Variants in TENM3 observed in about 807,000 individuals in gnomAD.
The protein encoded by TENM3 is teneurin-3.
TENM3 carries 63 observed loss-of-function variants against 255.1 expected under a neutral mutation model. The observed-to-expected ratio is 0.25, with a 90% CI of 0.20 to 0.30. TENM3 has a LOEUF of 0.30. TENM3 is among the 10% of genes least tolerant of loss of function. The pLI is 1.00. For missense variants in TENM3, 2,929 were observed against 3,461.1 expected, an observed-to-expected ratio of 0.85 and a Z score of 3.86; for synonymous variants, 1,306 against 1,322.3, an observed-to-expected ratio of 0.99 and a Z score of 0.27.
At chr4:181,902,111 G>C in the TENM3 span, among the ~76,000 whole-genome samples, 1 of 36,224 alleles carries the variant, frequency 2.8e-5, no homozygotes, top group East Asian at 8.4e-4. Context: ...GTGTGCATGT[G>C]AGCATACACA....
At chr4:182,755,892 C>G (rs1334109199) in intron 22 of TENM3, among the ~76,000 whole-genome samples, 2 of 151,640 alleles carry the variant, frequency 1.3e-5, no homozygotes, top group Non-Finnish European at 2.9e-5. Flanking sequence ...TTGCAAGATA[C>G]AAGATGTAGG....
At chr4:181,725,610 T>C in the TENM3 span, among the ~76,000 whole-genome samples, 1 of 152,008 alleles carries the variant, frequency 6.6e-6, no homozygotes, top group Admixed American at 6.6e-5. Flanking sequence ...AGCTATTTTT[T>C]TGTATTTTTT....
At chr4:182,152,918 CT>C (rs1000321745) in intron 1 of TENM3, among the ~76,000 whole-genome samples, 11 of 151,548 alleles carry the variant, frequency 7.3e-5, no homozygotes, top group Non-Finnish European at 1.5e-4. Flanking sequence ...AGCGCAGTAC[CT>C]TTTAGTTAAA....
intron 3 of TENM3, among the ~76,000 whole-genome samples, chr4:182,515,766 T>C (rs1015362025): frequency 1.3e-5 from 2 of 152,198 alleles, no homozygotes; most frequent in South Asian, 4.1e-4. Flanking sequence ...AAATTACTAC[T>C]GTAAGTTATT....
chr4:182,679,651 T>C lies in TENM3; in HGVS notation c.1327-15T>C. ...CCTTTATCTTTCTGACTATTTTTCC[T>C]CGTCCTCCCCCCAGTATGACTTCGT... is the stretch of plus-strand genomic sequence containing the variant. On this transcript the variant is annotated splice_polypyrimidine_tract_variant and intron_variant, in intron 7 of 27. Coordinates refer to ENST00000511685, the MANE Select transcript of TENM3 (RefSeq NM_001080477.4). 6.3e-7 allele frequency: 1 copy of C among 1,598,472 alleles called. No individual in the cohort carries two copies. Among genetic ancestry groups the C allele is most frequent in the Non-Finnish European group, 8.5e-7 (1 of 1,171,020 alleles).
chr4:181,839,636 A>T, the TENM3 span, among the ~76,000 whole-genome samples: 3 of 150,946 alleles, frequency 2.0e-5, no homozygotes, highest in African/African-American at 4.9e-5. Flanking sequence ...TCAATACTTT[A>T]AAAAAATCGA....
At chr4:182,034,296 G>T in the TENM3 span, among the ~76,000 whole-genome samples, 1 of 152,138 alleles carries the variant, frequency 6.6e-6, no homozygotes, top group Non-Finnish European at 1.5e-5. Context: ...ATATCAATAG[G>T]TCTCTTGACT....
chr4:182,417,543 G>GA (rs1770479815), intron 3 of TENM3, among the ~76,000 whole-genome samples: 1 of 151,780 alleles, frequency 6.6e-6, no homozygotes, highest in Admixed American at 6.6e-5. Context: ...GATAATGATA[G>GA]AAAAAAATTC....
intron 1 of TENM3, among the ~76,000 whole-genome samples, chr4:182,201,567 G>A (rs145077764): frequency 7.7e-4 from 117 of 152,028 alleles, no homozygotes; most frequent in Non-Finnish European, 1.3e-3. Context: ...GGCAGGAGTT[G>A]CGAGCAGATG....
At chr4:181,616,254 G>A in the TENM3 span, among the ~76,000 whole-genome samples, 2 of 134,258 alleles carry the variant, frequency 1.5e-5, no homozygotes, top group African/African-American at 5.6e-5. Context: ...AAGGTGATGG[G>A]ACCTTCCCTG....
chr4:182,508,379 A>G (rs184719599), intron 3 of TENM3, among the ~76,000 whole-genome samples: 25 of 152,338 alleles, frequency 1.6e-4, no homozygotes, highest in Non-Finnish European at 1.9e-4. Context: ...TCATTTGGCA[A>G]TTGAGTACCA....
At chr4:182,608,043 C>T (rs781248382) in intron 4 of TENM3, among the ~76,000 whole-genome samples, 3 of 152,198 alleles carry the variant, frequency 2.0e-5, no homozygotes, top group African/African-American at 7.2e-5. Flanking sequence ...CTCTTCCTCT[C>T]GAGCAACTGT....
At chr4:182,718,136 G>T (rs893320432) in intron 13 of TENM3, among the ~76,000 whole-genome samples, 1 of 151,542 alleles carries the variant, frequency 6.6e-6, no homozygotes, top group Non-Finnish European at 1.5e-5. Flanking sequence ...AAAGACCCTG[G>T]TCTCACATGT....
the TENM3 span, among the ~76,000 whole-genome samples, chr4:181,530,546 T>C: frequency 6.6e-6 from 1 of 152,152 alleles, no homozygotes; most frequent in Non-Finnish European, 1.5e-5. Flanking sequence ...TGGCAGAACA[T>C]ACAAAGCATT....
At chr4:181,829,936 C>A in the TENM3 span, 1 of 152,354 alleles carries the variant, frequency 6.6e-6, no homozygotes, top group Admixed American at 6.5e-5. Flanking sequence ...ACCAGCAGTT[C>A]CTTCACCTTC....
intron 4 of TENM3, 37 bp from the exon 5 acceptor site, chr4:182,628,614 T>G: frequency 7.6e-7 from 1 of 1,323,466 alleles, no homozygotes; most frequent in South Asian, 1.3e-5. Flanking sequence ...TATCGTAACA[T>G]ATTTGTATCT....
At chr4:182,484,309 C>CTAGG (rs1348767060) in intron 3 of TENM3, among the ~76,000 whole-genome samples, 1 of 152,166 alleles carries the variant, frequency 6.6e-6, no homozygotes, top group Non-Finnish European at 1.5e-5. Context: ...AGTTGTGGAG[C>CTAGG]TAGGATTTGA....
intron 6 of TENM3, among the ~76,000 whole-genome samples, chr4:182,656,881 C>G (rs990874528): frequency 6.6e-6 from 1 of 152,104 alleles, no homozygotes; most frequent in African/African-American, 2.4e-5. Context: ...TGTTATATGC[C>G]ATCATCCTTT....
At chr4:181,934,079 C>T in the TENM3 span, among the ~76,000 whole-genome samples, 15 of 144,974 alleles carry the variant, frequency 1.0e-4, no homozygotes, top group African/African-American at 1.7e-4. Flanking sequence ...TGTGTGTGCG[C>T]GCGCTTTTAA....
Sources: allele counts gnomAD v4.1 joint callset (sites outside exome capture counted in the v4.1 genomes callset), GRCh38; gene constraint gnomAD v4.1.1; transcripts MANE v1.5; gene names NCBI Gene and HGNC (gene_info 2026-07-23, HGNC 2026-07-21).